LPP: variants seen among roughly 807,000 people sequenced by gnomAD.
LPP encodes the protein LIM domain containing preferred translocation partner in lipoma, also known as lipoma-preferred partner.
A neutral mutation model predicts 60.4 loss-of-function variants in LPP; 38 were observed. The observed-to-expected ratio is 0.63, with a 90% CI of 0.49 to 0.83. LPP has a LOEUF of 0.83. LPP is among the 40% of genes least tolerant of loss of function. The pLI, the probability that LPP is intolerant of heterozygous loss-of-function variation, is 0.00. For missense variants in LPP, 902 were observed against 783.6 expected (o/e 1.15, Z -1.80); for synonymous variants, 328 against 290.8 (o/e 1.13, Z -1.30).
chr3:188,687,944 T>C (rs1425844820), intron 7 of LPP, among the ~76,000 whole-genome samples: 1 of 151,978 alleles, frequency 6.6e-6, no homozygotes, highest in Non-Finnish European at 1.5e-5. Flanking sequence ...CTGGCTAATT[T>C]TTTTGTATTT....
At position 188,586,726 on chromosome 3, in the gene LPP, A is replaced by C. The variant is rs1034042184; in HGVS notation, c.430-22435A>C. ...GGTATTTTTAGCAAAATAGTCCTTA[A>C]ACATTGTTTTTTTTTTTTTTAAGTT... On this transcript the variant is annotated intron_variant, in intron 6 of 11. Coordinates refer to ENST00000617246, the MANE Select transcript of LPP (RefSeq NM_001375462.1). Among the ~76,000 whole-genome samples the C allele has an allele frequency of 5.5e-4, 56 of 101,208 alleles. 1 individual carries two copies. The highest frequency in any genetic ancestry group is 7.7e-5 in the Non-Finnish European group (4 of 52,186). 66.4% of individuals were successfully genotyped at this position (101,208 alleles called of 152,430 possible). A position where few individuals can be genotyped will look rare whatever the true frequency, so the allele number is the denominator to read the frequency against.
chr3:188,760,551 A>G (rs1341574081), intron 9 of LPP, among the ~76,000 whole-genome samples: 2 of 152,156 alleles, frequency 1.3e-5, no homozygotes, highest in Admixed American at 6.5e-5. Flanking sequence ...TCTGCTGGGA[A>G]GATCATCAGC....
At chr3:188,478,557 T>C (rs892154316) in intron 4 of LPP, among the ~76,000 whole-genome samples, 2 of 152,148 alleles carry the variant, frequency 1.3e-5, no homozygotes, top group African/African-American at 4.8e-5. Flanking sequence ...GATCCACAGA[T>C]TGACACTGTG....
chr3:188,258,583 A>G (rs1485085959), intron 2 of LPP, among the ~76,000 whole-genome samples: 4 of 152,206 alleles, frequency 2.6e-5, no homozygotes, highest in Non-Finnish European at 5.9e-5. Context: ...GGCCTCCCAA[A>G]GTGCTGGAAT....
At chr3:188,435,513 G>T (rs996185913) in intron 4 of LPP, among the ~76,000 whole-genome samples, 25 of 152,044 alleles carry the variant, frequency 1.6e-4, no homozygotes, top group Admixed American at 7.2e-4. Flanking sequence ...TTCTCTGTTG[G>T]GGGGAGGGGG....
intron 2 of LPP, among the ~76,000 whole-genome samples, chr3:188,244,057 G>A (rs1156707822): frequency 2.0e-5 from 3 of 152,008 alleles, no homozygotes; most frequent in Non-Finnish European, 4.4e-5. Flanking sequence ...TTTTAGTAGA[G>A]GTGGGGTTTC....
chr3:188,833,034 G>C lies in LPP; in HGVS notation c.1411-33166G>C, dbSNP rs74913899. On this transcript the variant is annotated intron_variant, in intron 9 of 11. Transcript: ENST00000617246. ...CCAGTTAAATAACTTAATGAGCCCT[G>C]CTCTGCATGCTTGCTTCACAGAGTT... Among the ~76,000 whole-genome samples, 184 of 152,340 alleles carry C rather than the reference G, an allele frequency of 1.2e-3. 3 individuals carry two copies. The East Asian group carries it at 0.035, about 29-fold the overall frequency.
intron 7 of LPP, among the ~76,000 whole-genome samples, chr3:188,675,866 A>T (rs926751465): frequency 6.6e-6 from 1 of 152,178 alleles, no homozygotes; most frequent in African/African-American, 2.4e-5. Context: ...GCACCCAGGA[A>T]TCATGTCTTC....
At chr3:188,636,328 C>T (rs1230789469) in intron 7 of LPP, among the ~76,000 whole-genome samples, 3 of 152,156 alleles carry the variant, frequency 2.0e-5, no homozygotes, top group Admixed American at 6.5e-5. Context: ...CACTCCCACC[C>T]GAATACTGCG....
intron 3 of LPP, among the ~76,000 whole-genome samples, chr3:188,368,684 A>T (rs934473019): frequency 1.1e-5 from 1 of 94,032 alleles, no homozygotes; most frequent in African/African-American, 6.2e-5. Flanking sequence ...ACACACTCTC[A>T]CACACACACA....
intron 8 of LPP, among the ~76,000 whole-genome samples, chr3:188,756,824 C>T (rs1275496161): frequency 1.3e-5 from 2 of 152,146 alleles, no homozygotes; most frequent in South Asian, 4.1e-4. Context: ...GTGTCTGAGT[C>T]CAGCATATTA....
Position 188,386,550 on chromosome 3 carries a change from T to C in LPP, c.-9-19562T>C, listed in dbSNP as rs529642502. Among the ~76,000 whole-genome samples, 681 of 152,316 alleles carry C rather than the reference T, an allele frequency of 4.5e-3. 5 individuals carry two copies. The highest frequency in any genetic ancestry group is 7.0e-3 in the Non-Finnish European group (478 of 68,036). ...TAAACCTCTTTTGCCCAAATCGTTGTCAGACTGCAGTGAGAAAAGTCAAGG... is the reference window on the plus strand; with the variant it reads ...TAAACCTCTTTTGCCCAAATCGTTGCCAGACTGCAGTGAGAAAAGTCAAGG... On this transcript the variant is annotated intron_variant, in intron 3 of 11. Coordinates refer to ENST00000617246, the MANE Select transcript of LPP (RefSeq NM_001375462.1).
intron 4 of LPP, among the ~76,000 whole-genome samples, chr3:188,475,659 T>A (rs1802966137): frequency 6.6e-6 from 1 of 152,128 alleles, no homozygotes; most frequent in Non-Finnish European, 1.5e-5. Context: ...TCCCAGCACT[T>A]TGGGAGGCCG....
intron 6 of LPP, among the ~76,000 whole-genome samples, chr3:188,557,264 C>A (rs1829703366): frequency 6.6e-6 from 1 of 151,996 alleles, no homozygotes. Context: ...CTTTGAAATG[C>A]ACGAATAAAG....
chr3:188,352,859 G>A lies in LPP; in HGVS notation c.-10+11140G>A, dbSNP rs747919437. ...GAGGCAGCGACGGGAAAGTGAAGGA[G>A]AGTAAGAAGCCCAGAGTAAATGGCC... On this transcript the variant is annotated intron_variant, in intron 3 of 11. Coordinates refer to ENST00000617246, the MANE Select transcript of LPP (RefSeq NM_001375462.1). The surrounding 1 kb of genome is among the most constrained non-coding windows in gnomAD (Gnocchi z 4.4). Among the ~76,000 whole-genome samples, 2 of 152,204 alleles carry A rather than the reference G, an allele frequency of 1.3e-5. No homozygotes were observed. The highest frequency in any genetic ancestry group is 1.5e-5 in the Non-Finnish European group (1 of 68,038).
chr3:188,353,388 G>A (rs758150278), intron 3 of LPP, among the ~76,000 whole-genome samples: 5 of 152,046 alleles, frequency 3.3e-5, no homozygotes, highest in Non-Finnish European at 7.4e-5. Context: ...ATTATTTTGT[G>A]GAAAAATGTT....
intron 5 of LPP, among the ~76,000 whole-genome samples, chr3:188,513,608 G>A (rs1037781996): frequency 7.3e-5 from 11 of 151,522 alleles, no homozygotes; most frequent in African/African-American, 2.4e-4. Context: ...TAATTGTAAG[G>A]GGTTACTTTA....
intron 9 of LPP, among the ~76,000 whole-genome samples, chr3:188,811,921 A>G (rs1751115092): frequency 6.6e-6 from 1 of 152,172 alleles, no homozygotes. Context: ...GCAATGCATA[A>G]TAATCACATC....
intron 1 of LPP, among the ~76,000 whole-genome samples, chr3:188,161,483 T>G (rs1017329566): frequency 2.6e-5 from 4 of 152,312 alleles, no homozygotes; most frequent in Non-Finnish European, 5.9e-5. Flanking sequence ...CACCAAAGTT[T>G]GTAGTCAACA....
Sources: allele counts gnomAD v4.1 joint callset (sites outside exome capture counted in the v4.1 genomes callset), GRCh38; gene constraint gnomAD v4.1.1; non-coding constraint Gnocchi (gnomAD v3.1); transcripts MANE v1.5; gene names NCBI Gene and HGNC (gene_info 2026-07-23, HGNC 2026-07-21).